Variants in HCK observed in about 807,000 individuals in gnomAD.
HCK encodes HCK proto-oncogene, Src family tyrosine kinase.
A neutral mutation model predicts 70.4 loss-of-function variants in HCK; 40 were observed. The ratio of observed to expected loss-of-function variants is 0.57; its 90% CI spans 0.44 to 0.74. HCK has a LOEUF of 0.74. Among genes scored for constraint, HCK ranks in the 30% least tolerant of loss-of-function variants. The pLI is 0.00. For synonymous variants in HCK, 245 were observed against 263.2 expected, an observed-to-expected ratio of 0.93 and a Z score of 0.67; for missense variants, 568 against 697.2, an observed-to-expected ratio of 0.81 and a Z score of 2.09.
rs776260121 is a variant in HCK, at chr20:32,088,439, C to T, written c.1016-129C>T. 1.3e-4 allele frequency: 83 copies of T among 621,486 alleles called. 1 individual carries two copies. The highest frequency in any genetic ancestry group is 1.3e-3 in the Middle Eastern group (5 of 3,816). 38.5% of individuals were successfully genotyped at this position (621,486 alleles called of 1,614,324 possible). ...ACACTAGGAATTGCAAACAAATATT[C>T]GTATTTAAATCTACTACTATGAAAA... On this transcript the variant is annotated intron_variant, in intron 9 of 12. Coordinates refer to ENST00000375852, the MANE Select transcript of HCK (RefSeq NM_002110.5).
chr20:32,064,684 G>A (rs191935714), intron 1 of HCK, among the ~76,000 whole-genome samples: 1 of 152,318 alleles, frequency 6.6e-6, no homozygotes, highest in African/African-American at 2.4e-5. Flanking sequence ...ACCATCTCCA[G>A]CCCACTGGAT....
intron 1 of HCK, chr20:32,069,883 TA>T (rs2045513259): frequency 1.7e-6 from 1 of 589,290 alleles, no homozygotes; most frequent in Non-Finnish European, 2.5e-6. Context: ...AACTGAGTTC[TA>T]ACTGCTTTAG....
intron 1 of HCK, among the ~76,000 whole-genome samples, chr20:32,053,620 A>C (rs1012725812): frequency 1.4e-5 from 2 of 139,552 alleles, no homozygotes; most frequent in African/African-American, 5.6e-5. Context: ...CCTGGGCGAC[A>C]GAGAGAGACT....
chr20:32,080,833 A>G (rs978220471), intron 6 of HCK, among the ~76,000 whole-genome samples: 1 of 152,100 alleles, frequency 6.6e-6, no homozygotes, highest in African/African-American at 2.4e-5. Context: ...AATACCCGTA[A>G]CAGACCAAGT....
chr20:32,060,322 G>C (rs1344717494), intron 1 of HCK, among the ~76,000 whole-genome samples: 1 of 152,196 alleles, frequency 6.6e-6, no homozygotes, highest in Non-Finnish European at 1.5e-5. Context: ...TTGAGTTCAA[G>C]CAATTCTCCT....
chr20:32,099,323 G>A (rs373288312), intron 12 of HCK, among the ~76,000 whole-genome samples, 188 bp downstream of exon 12: 2 of 147,780 alleles, frequency 1.4e-5, no homozygotes, highest in African/African-American at 5.1e-5. Flanking sequence ...GGCTTCCTTG[G>A]CCCTTCCTTC....
intron 12 of HCK, among the ~76,000 whole-genome samples, chr20:32,100,178 G>A (rs2046014595): frequency 6.6e-6 from 1 of 152,136 alleles, no homozygotes. Context: ...AAAATGCTGG[G>A]ATTACAGACA....
In HCK at chr20:32,052,501, C is replaced by T. The variant is rs1356614671; in HGVS notation, c.62+15C>T. ...CGGGCGCCCAGGTGAGTGCCGCGCA[C>T]AGGGGACCGGGAATACCCGGCCCGC... On this transcript the variant is annotated intron_variant, in intron 1 of 12. Transcript: ENST00000375852. 3.2e-6 allele frequency: 4 copies of T among 1,263,992 alleles called. No homozygotes were observed. Among genetic ancestry groups the T allele is most frequent in the Non-Finnish European group, 4.0e-6 (4 of 996,552 alleles). 78.3% of individuals were successfully genotyped at this position (1,263,992 alleles called of 1,614,324 possible).
chr20:32,071,599 C>G (rs2045539316), intron 1 of HCK, 63 bp from the exon 2 acceptor site: 10 of 1,587,704 alleles, frequency 6.3e-6, no homozygotes, highest in Non-Finnish European at 8.6e-6. Context: ...ATGCCAGCAT[C>G]AGAAGACTTC....
rs1379086548 is a variant in HCK at position 32,088,637 on chromosome 20, CA to C, written c.1086del (p.Ala363ProfsTer85). 1 of 1,613,772 alleles carries C rather than the reference CA, an allele frequency of 6.2e-7. No homozygotes were observed. The highest frequency in any genetic ancestry group is 8.5e-7 in the Non-Finnish European group (1 of 1,179,776). ...CCATTGCCAAAACTCATTGACTTCT[CA>C]GCCCAGGTGAGAGCCTAACGAGGAA... On this transcript the variant is annotated frameshift_variant, in exon 10 of 13. Coordinates refer to ENST00000375852, the MANE Select transcript of HCK (RefSeq NM_002110.5). LOFTEE classifies it high-confidence loss of function.
chr20:32,061,591 A>G (rs2045377458), intron 1 of HCK, among the ~76,000 whole-genome samples: 1 of 152,214 alleles, frequency 6.6e-6, no homozygotes, highest in African/African-American at 2.4e-5. Context: ...GTTGGGGGGC[A>G]GAGGATCCTG....
chr20:32,087,884 C>T lies in HCK; in HGVS notation c.1016-684C>T, dbSNP rs138733283. Reference sequence around the variant, plus strand: ...GTCTCAATCTCCTGACCTTGTGATCCGCCCGCCTCAGCCTCCCACCATGCT... The same window carrying T: ...GTCTCAATCTCCTGACCTTGTGATCTGCCCGCCTCAGCCTCCCACCATGCT... On this transcript the variant is annotated intron_variant, in intron 9 of 12. Coordinates refer to ENST00000375852, the MANE Select transcript of HCK (RefSeq NM_002110.5). 6.4e-3 allele frequency among the ~76,000 whole-genome samples: 980 copies of T among 152,114 alleles called. 7 individuals are homozygous for T. Among genetic ancestry groups the T allele is most frequent in the Non-Finnish European group, 9.7e-3 (658 of 67,988 alleles).
chr20:32,100,498 G>A (rs181224568), intron 12 of HCK, among the ~76,000 whole-genome samples: 5 of 152,288 alleles, frequency 3.3e-5, no homozygotes. Flanking sequence ...TGATTACCCT[G>A]GCTTTGCACC....
intron 7 of HCK, 62 bp downstream of exon 7, chr20:32,084,105 A>G: frequency 5.1e-6 from 8 of 1,557,068 alleles, no homozygotes; most frequent in Non-Finnish European, 7.0e-6. Flanking sequence ...CTAGTCACGG[A>G]TGCACTGTGG....
chr20:32,061,140 C>A lies in HCK; in HGVS notation c.62+8654C>A, dbSNP rs142623249. Among the ~76,000 whole-genome samples the A allele has an allele frequency of 1.3e-3, 193 of 152,236 alleles. 4 individuals are homozygous for A. The East Asian group carries it at 0.023, about 18-fold the overall frequency. On this transcript the variant is annotated intron_variant, in intron 1 of 12. Transcript: ENST00000375852. The stretch of plus-strand genomic sequence containing the variant: ...CTAGGATTACAAGCATGCGCCACCA[C>A]GCCCAGCTAATTTTTGTATTTTTAG...
At chr20:32,053,148 G>A (rs541400523) in intron 1 of HCK, among the ~76,000 whole-genome samples, 7 of 152,292 alleles carry the variant, frequency 4.6e-5, no homozygotes, top group African/African-American at 1.7e-4. Context: ...TTTCTTGCAA[G>A]GATGCAGGAA....
chr20:32,073,970 G>A (rs1568979777), intron 4 of HCK, 152 bp downstream of exon 4: 1 of 596,234 alleles, frequency 1.7e-6, no homozygotes, highest in Non-Finnish European at 3.1e-6. Flanking sequence ...TGGAGGAAGG[G>A]TTTGCTGTCA....
At chr20:32,073,265 C>A in intron 2 of HCK, 54 bp from the exon 3 acceptor site, 1 of 1,491,060 alleles carries the variant, frequency 6.7e-7, no homozygotes, top group Non-Finnish European at 9.3e-7. Context: ...AGACCTTCCA[C>A]GGGTCCCCAC....
At chr20:32,094,418 G>A (rs549468411) in intron 11 of HCK, among the ~76,000 whole-genome samples, 4 of 152,142 alleles carry the variant, frequency 2.6e-5, no homozygotes, top group South Asian at 2.1e-4. Context: ...AGTGGCTCAC[G>A]CCTGTAATCC....
Sources: gnomAD v4.1 joint callset for allele counts (sites outside exome capture counted in the v4.1 genomes callset) on GRCh38, gnomAD v4.1.1 for gene constraint, MANE v1.5 for transcripts, NCBI Gene and HGNC (gene_info 2026-07-23, HGNC 2026-07-21) for gene names.